ADGRD1: variants seen among roughly 807,000 people sequenced by gnomAD.
The protein encoded by ADGRD1 is G-protein coupled receptor 133.
Under a neutral mutation model 113.4 loss-of-function variants are expected in ADGRD1, and 77 were observed. The observed-to-expected ratio is 0.68, with a 90% CI of 0.57 to 0.82. The LOEUF is 0.82. ADGRD1 is among the 40% of genes least tolerant of loss of function. The probability of loss-of-function intolerance (pLI) is 0.00; values close to 1 mark genes in which losing one functional copy is unlikely to be tolerated. For synonymous variants in ADGRD1, 474 were observed against 475.0 expected (o/e 1.00, Z 0.03); for missense variants, 1,036 against 1,139.1 (o/e 0.91, Z 1.30).
chr12:131,129,602 C>T (rs1302459377), intron 20 of ADGRD1, among the ~76,000 whole-genome samples: 7 of 152,080 alleles, frequency 4.6e-5, no homozygotes, highest in Admixed American at 4.6e-4. Context: ...GTGAGGTACC[C>T]GGAATAGAAA....
intron 15 of ADGRD1, among the ~76,000 whole-genome samples, chr12:131,089,767 T>C (rs1172726790): frequency 6.6e-6 from 1 of 152,240 alleles, no homozygotes; most frequent in Non-Finnish European, 1.5e-5. Context: ...GGTGCTGTCA[T>C]GTGGCCATCA....
chr12:131,010,591 C>T (rs1408481434), intron 12 of ADGRD1, among the ~76,000 whole-genome samples: 1 of 152,232 alleles, frequency 6.6e-6, no homozygotes, highest in Non-Finnish European at 1.5e-5. Flanking sequence ...TTTAAGTCCC[C>T]TCTTTGTGTA....
intron 8 of ADGRD1, chr12:130,993,911 G>A (rs12305831): frequency 0.032 from 5,095 of 157,514 alleles, 130 homozygotes; most frequent in African/African-American, 0.069. Context: ...GCCTTACCCT[G>A]GCACGTCCAG....
chr12:131,005,229 C>T (rs551828900), intron 11 of ADGRD1, among the ~76,000 whole-genome samples: 39 of 152,306 alleles, frequency 2.6e-4, no homozygotes, highest in African/African-American at 8.7e-4. Context: ...AGGGATGTCC[C>T]TACCCCAGAA....
rs949103896 is a variant in ADGRD1, at chr12:130,965,390, T to A, written c.104-1073T>A. Reference sequence around the variant, plus strand: ...TCTCCTCTTTAAAAAGTATTTTTTTTAAAAAAACAAGGACTAACATAGAGA... The same window carrying A: ...TCTCCTCTTTAAAAAGTATTTTTTTAAAAAAAACAAGGACTAACATAGAGA... On this transcript the variant is annotated intron_variant, in intron 2 of 24. Transcript: ENST00000261654. The surrounding 1 kb of genome is among the most constrained non-coding windows in gnomAD (Gnocchi z 4.8). Among the ~76,000 whole-genome samples the A allele has an allele frequency of 3.3e-4, 50 of 152,276 alleles. No homozygotes were observed. Among genetic ancestry groups the A allele is most frequent in the African/African-American group, 7.2e-4 (30 of 41,560 alleles).
At chr12:131,086,205 G>C (rs1357538537) in intron 15 of ADGRD1, among the ~76,000 whole-genome samples, 2 of 152,202 alleles carry the variant, frequency 1.3e-5, no homozygotes, top group East Asian at 3.9e-4. Flanking sequence ...GCTGCCCCGC[G>C]TGTCCTGCGT....
intron 2 of ADGRD1, among the ~76,000 whole-genome samples, chr12:130,958,600 C>G (rs1444619249): frequency 6.6e-6 from 1 of 151,058 alleles, no homozygotes; most frequent in Non-Finnish European, 1.5e-5. Context: ...GAAGCAGAAT[C>G]TAGGGGCCTC....
rs553898765 is a variant in ADGRD1 at position 131,029,499 on chromosome 12, G to A, written c.1473+15159G>A. On this transcript the variant is annotated intron_variant, in intron 13 of 24. Coordinates refer to ENST00000261654, the MANE Select transcript of ADGRD1 (RefSeq NM_198827.5). ...GGGTTAGGTTGTGGGACTCTCGTAC[G>A]GTGACATTCCCAGGCTCTGGGATTA... Among the ~76,000 whole-genome samples, 6 of 151,582 alleles carry A rather than the reference G, an allele frequency of 4.0e-5. No individual in the cohort carries two copies. The East Asian group carries it at 1.2e-3, about 30-fold the overall frequency.
intron 13 of ADGRD1, among the ~76,000 whole-genome samples, chr12:131,064,320 G>A (rs1179709038): frequency 4.6e-5 from 7 of 152,166 alleles, no homozygotes; most frequent in African/African-American, 1.7e-4. Flanking sequence ...CGTTATTTGA[G>A]GAAGTTTCCC....
At chr12:131,006,338 TCA>T (rs1201532206) in intron 12 of ADGRD1, among the ~76,000 whole-genome samples, 1 of 152,190 alleles carries the variant, frequency 6.6e-6, no homozygotes, top group Non-Finnish European at 1.5e-5. Context: ...TCTCTGAGCC[TCA>T]GTTTCCACTG....
chr12:131,089,288 A>G (rs1445707610), intron 15 of ADGRD1, among the ~76,000 whole-genome samples: 1 of 152,196 alleles, frequency 6.6e-6, no homozygotes, highest in Non-Finnish European at 1.5e-5. Flanking sequence ...GTTAAAAAGG[A>G]GCCCGAACCA....
chr12:131,094,943 C>T (rs1016213375), intron 15 of ADGRD1, among the ~76,000 whole-genome samples: 1 of 152,156 alleles, frequency 6.6e-6, no homozygotes, highest in African/African-American at 2.4e-5. Flanking sequence ...CCTTCCACCC[C>T]CTCCCGTCTC....
Position 131,019,786 on chromosome 12 carries a change from G to T in ADGRD1, c.1473+5446G>T, listed in dbSNP as rs929448728. Reference sequence around the variant, plus strand: ...GTTCCAGGGAGATGCTCCAGGGAAGGACCCCGAGCTCCATCCAGGGCAGGG... The same window carrying T: ...GTTCCAGGGAGATGCTCCAGGGAAGTACCCCGAGCTCCATCCAGGGCAGGG... On this transcript the variant is annotated intron_variant, in intron 13 of 24. Coordinates refer to ENST00000261654, the MANE Select transcript of ADGRD1 (RefSeq NM_198827.5). Among the ~76,000 whole-genome samples the T allele has an allele frequency of 2.6e-5, 4 of 152,044 alleles. No individual in the cohort carries two copies. In the South Asian group the frequency reaches 6.2e-4, roughly 24 times the overall value.
In ADGRD1 at chr12:131,141,012, GA is replaced by G. The variant is rs1951232074; in HGVS notation, c.*1750del. On this transcript the variant is annotated 3_prime_UTR_variant, in exon 25 of 25. Transcript: ENST00000261654. Reference sequence around the variant, plus strand: ...TTTAGCCACTGCCCCAGGCTCCCGTGACCCCAGAAACCAGGTCACATGGACC... The same window carrying G: ...TTTAGCCACTGCCCCAGGCTCCCGTGCCCCAGAAACCAGGTCACATGGACC... 1 of 152,294 alleles carries G rather than the reference GA, an allele frequency of 6.6e-6. No individual in the cohort carries two copies. The highest frequency in any genetic ancestry group is 2.4e-5 in the African/African-American group (1 of 41,460). The allele number at this position is 152,294 out of a possible 1,614,324, so 9.4% of individuals were successfully genotyped here. A position where few individuals can be genotyped will look rare whatever the true frequency, so the allele number is the denominator to read the frequency against.
intron 20 of ADGRD1, among the ~76,000 whole-genome samples, chr12:131,128,696 G>A (rs139321806): frequency 4.1e-4 from 62 of 152,268 alleles, no homozygotes; most frequent in Non-Finnish European, 5.9e-4. Context: ...CTGGGGTTTT[G>A]TGCAGATAGG....
intron 24 of ADGRD1, among the ~76,000 whole-genome samples, chr12:131,138,891 G>A (rs771252783): frequency 9.2e-5 from 14 of 152,170 alleles, no homozygotes; most frequent in Admixed American, 5.2e-4. Flanking sequence ...GTGGGTGCCG[G>A]GCAGATGGGT....
intron 13 of ADGRD1, among the ~76,000 whole-genome samples, chr12:131,055,558 C>T (rs956472135): frequency 1.3e-5 from 2 of 152,234 alleles, no homozygotes; most frequent in East Asian, 1.9e-4. Flanking sequence ...TAAAAGTTAT[C>T]CTTTAATATG....
chr12:131,014,712 T>C (rs759079308), intron 13 of ADGRD1, among the ~76,000 whole-genome samples: 2 of 152,246 alleles, frequency 1.3e-5, no homozygotes, highest in Non-Finnish European at 1.5e-5. Flanking sequence ...GATGCAGCAC[T>C]GTGTTCTGTT....
At chr12:131,082,496 T>C (rs999483273) in intron 14 of ADGRD1, among the ~76,000 whole-genome samples, 5 of 152,228 alleles carry the variant, frequency 3.3e-5, no homozygotes, top group Admixed American at 6.5e-5. Flanking sequence ...ACTTTCATAT[T>C]GTTTAGCTTA....
Sources: gnomAD v4.1 joint callset for allele counts (sites outside exome capture counted in the v4.1 genomes callset) on GRCh38, gnomAD v4.1.1 for gene constraint, Gnocchi (gnomAD v3.1) non-coding constraint, MANE v1.5 for transcripts, NCBI Gene and HGNC (gene_info 2026-07-23, HGNC 2026-07-21) for gene names.